The following CELSR1 variants were observed in gnomAD, a reference collection of about 807,000 sequenced individuals.
CELSR1 encodes adhesion G protein-coupled receptor C1.
CELSR1 carries 110 observed loss-of-function variants against 249.1 expected under a neutral mutation model. The observed-to-expected ratio is 0.44, with a 90% CI of 0.38 to 0.52. CELSR1 has a LOEUF of 0.52. Ranked by LOEUF, CELSR1 falls within the 20% of genes least tolerant of loss-of-function variation. The pLI is 0.00. For synonymous variants in CELSR1, 2,113 were observed against 1,900.0 expected (o/e 1.11, Z -2.92); for missense variants, 4,109 against 4,296.4 (o/e 0.96, Z 1.22).
chr22:46,443,829 C>T (rs2079784908), intron 2 of CELSR1, among the ~76,000 whole-genome samples: 1 of 152,376 alleles, frequency 6.6e-6, no homozygotes, highest in East Asian at 1.9e-4. Context: ...AGGTGTGACG[C>T]TTAAGGTATA....
intron 1 of CELSR1, 23 bp downstream of exon 1, chr22:46,533,604 C>T: frequency 6.5e-7 from 1 of 1,532,936 alleles, no homozygotes; most frequent in Non-Finnish European, 8.7e-7. Context: ...GGAGCTACTC[C>T]TCCCACCCCG....
chr22:46,417,128 G>A lies in CELSR1; in HGVS notation c.4612-5369C>T, dbSNP rs1317320282. Reference sequence around the variant, plus strand: ...ACTGCAGCGCTGAACGTTCCATGCTGTCATTTCTCAAGATGACAAAGTTCA... The same window carrying A: ...ACTGCAGCGCTGAACGTTCCATGCTATCATTTCTCAAGATGACAAAGTTCA... On this transcript the variant is annotated intron_variant, in intron 5 of 34. Coordinates refer to ENST00000674500, the MANE Select transcript of CELSR1 (RefSeq NM_001378328.1). This position sits in a 1 kb window ranked among gnomAD's most constrained non-coding sequence, Gnocchi z 4.1. Among the ~76,000 whole-genome samples, 1 of 152,140 alleles carries A rather than the reference G, an allele frequency of 6.6e-6. No individual in the cohort carries two copies. Among genetic ancestry groups the A allele is most frequent in the Non-Finnish European group, 1.5e-5 (1 of 68,036 alleles).
chr22:46,442,957 G>C (rs2079770026), intron 2 of CELSR1, among the ~76,000 whole-genome samples: 1 of 152,166 alleles, frequency 6.6e-6, no homozygotes, highest in African/African-American at 2.4e-5. Context: ...AATTAACCGG[G>C]TGTGTTGGCG....
At chr22:46,369,624 C>T (rs1376042389) in intron 26 of CELSR1, 68 bp downstream of exon 26, 10 of 1,477,014 alleles carry the variant, frequency 6.8e-6, no homozygotes, top group Non-Finnish European at 9.4e-6. Flanking sequence ...CCCCAGCCAA[C>T]CCAGAACAGC....
At position 46,398,004 on chromosome 22, in the gene CELSR1, C is replaced by T. The variant is rs560853705; in HGVS notation, c.5527-156G>A. On this transcript the variant is annotated intron_variant, in intron 11 of 34. Transcript: ENST00000674500. This position sits in a 1 kb window ranked among gnomAD's most constrained non-coding sequence, Gnocchi z 7.2. ...GCGGGCAGGGTTGTTCCTCTTGCCCCACGGCCTGCTGGCCGGAGTGCAGTG... is the reference window on the plus strand; with the variant it reads ...GCGGGCAGGGTTGTTCCTCTTGCCCTACGGCCTGCTGGCCGGAGTGCAGTG... Among the ~76,000 whole-genome samples the T allele has an allele frequency of 2.6e-4, 39 of 152,300 alleles. 1 individual carries two copies. The highest frequency in any genetic ancestry group is 1.0e-4 in the Non-Finnish European group (7 of 68,028).
At chr22:46,501,498 G>A (rs1233672497) in intron 1 of CELSR1, among the ~76,000 whole-genome samples, 2 of 152,034 alleles carry the variant, frequency 1.3e-5, no homozygotes, top group Admixed American at 6.6e-5. Flanking sequence ...GAGCCACCGC[G>A]CCCTGCCCCA....
intron 2 of CELSR1, among the ~76,000 whole-genome samples, chr22:46,442,967 G>A (rs1037775801): frequency 5.9e-5 from 9 of 152,062 alleles, no homozygotes; most frequent in East Asian, 3.9e-4. Flanking sequence ...GTGTGTTGGC[G>A]GGCGCCTGTA....
chr22:46,416,970 C>T (rs1190397050), intron 5 of CELSR1, among the ~76,000 whole-genome samples: 5 of 6,710 alleles, frequency 7.5e-4, no homozygotes, highest in East Asian at 3.3e-3. Context: ...CAGGGGAAGG[C>T]GGTGTGGGGG....
rs1301183382 is a variant in CELSR1 at position 46,500,021 on chromosome 22, C to T, written c.3544+33606G>A. On this transcript the variant is annotated intron_variant, in intron 1 of 34. Coordinates refer to ENST00000674500, the MANE Select transcript of CELSR1 (RefSeq NM_001378328.1). The surrounding 1 kb of genome is among the most constrained non-coding windows in gnomAD (Gnocchi z 4.9). ...CCATGCCTGGCTCAAGGCTCAGCGG[C>T]GACCTCTCCCGCTTATCTTCCCAAA... 4.6e-5 allele frequency among the ~76,000 whole-genome samples: 7 copies of T among 152,128 alleles called. No homozygotes were observed. Among genetic ancestry groups the T allele is most frequent in the African/African-American group, 1.7e-4 (7 of 41,442 alleles).
chr22:46,387,102 A>T (rs1080233), intron 18 of CELSR1, among the ~76,000 whole-genome samples: 1 of 152,080 alleles, frequency 6.6e-6, no homozygotes, highest in African/African-American at 2.4e-5. Context: ...AAGAGGAATA[A>T]AAAAATGTTA....
rs1189808522 is a variant in CELSR1, at chr22:46,408,516, G to T, written c.5226+480C>A. ...CTGGCTAATTTTTTTTGTATTTTTA[G>T]TAGAGATGGGGTTTCACCATGTTGG... is the stretch of plus-strand genomic sequence containing the variant. On this transcript the variant is annotated intron_variant, in intron 9 of 34. Coordinates refer to ENST00000674500, the MANE Select transcript of CELSR1 (RefSeq NM_001378328.1). This position sits in a 1 kb window ranked among gnomAD's most constrained non-coding sequence, Gnocchi z 4.6. 6.6e-6 allele frequency among the ~76,000 whole-genome samples: 1 copy of T among 152,186 alleles called. No homozygotes were observed. Among genetic ancestry groups the T allele is most frequent in the Non-Finnish European group, 1.5e-5 (1 of 68,032 alleles).
At chr22:46,367,906 TCCTC>T (rs767837442) in intron 27 of CELSR1, 51 bp from the exon 28 acceptor site, 26 of 1,561,858 alleles carry the variant, frequency 1.7e-5, no homozygotes, top group Admixed American at 3.7e-5. Flanking sequence ...CCTGCTCCCT[TCCTC>T]CCTCCCTCTC....
chr22:46,511,745 T>G, intron 1 of CELSR1, among the ~76,000 whole-genome samples: 1 of 150,676 alleles, frequency 6.6e-6, no homozygotes, highest in African/African-American at 2.4e-5. Flanking sequence ...GCAGGGAGAG[T>G]AGGGGGCAGA....
intron 24 of CELSR1, among the ~76,000 whole-genome samples, chr22:46,373,491 G>A (rs545273678): frequency 6.8e-6 from 1 of 147,164 alleles, no homozygotes; most frequent in Non-Finnish European, 1.5e-5. Flanking sequence ...CTGGGGTGGG[G>A]GGGGCAGCTT....
At position 46,454,438 on chromosome 22, in the gene CELSR1, C is replaced by T. The variant is rs955844297; in HGVS notation, c.4183+9269G>A. On this transcript the variant is annotated intron_variant, in intron 2 of 34. Coordinates refer to ENST00000674500, the MANE Select transcript of CELSR1 (RefSeq NM_001378328.1). The surrounding 1 kb of genome is among the most constrained non-coding windows in gnomAD (Gnocchi z 5.1). ...AGCATCCCTCCAGTGCACGCACAGACGCCCATGACCCGCAGCCAGCCCGGC... is the reference window on the plus strand; with the variant it reads ...AGCATCCCTCCAGTGCACGCACAGATGCCCATGACCCGCAGCCAGCCCGGC... Among the ~76,000 whole-genome samples the T allele has an allele frequency of 7.9e-5, 12 of 152,356 alleles. No homozygotes were observed. The highest frequency in any genetic ancestry group is 1.6e-4 in the Non-Finnish European group (11 of 68,038).
chr22:46,525,404 G>A (rs527601904), intron 1 of CELSR1, among the ~76,000 whole-genome samples: 29 of 149,946 alleles, frequency 1.9e-4, no homozygotes, highest in Non-Finnish European at 3.5e-4. Context: ...AGCTGAGATC[G>A]CACCATTGCA....
In CELSR1 at chr22:46,367,810, G is replaced by A. The variant is rs747668833; in HGVS notation, c.7998C>T (p.Ala2666=). 7 of 1,611,900 alleles carry A rather than the reference G, an allele frequency of 4.3e-6. No individual in the cohort carries two copies. The Admixed American group carries it at 5.0e-5, about 12-fold the overall frequency. The stretch of plus-strand genomic sequence containing the variant: ...CAGCCAGCAGCCCCAGCAGCCAGGT[G>A]GCGCTGATGAGCAGCAGCAGGAGGA... ...TAFLLLLLIS[A]TWLLGLLAVN... The change falls in exon 28 of 35, where the codon GCC becomes GCT. Residue 2666 remains alanine, a synonymous_variant. Transcript: ENST00000674500.
At position 46,434,640 on chromosome 22, in the gene CELSR1, G is replaced by C. The variant is rs112896566; in HGVS notation, c.4523-1159C>G. ...GGCCAGGGTTCTAGAGACGGAAGCA[G>C]CTCTGAGCCATCTTGGTGAACTTCC... On this transcript the variant is annotated intron_variant, in intron 4 of 34. Transcript: ENST00000674500. This position sits in a 1 kb window ranked among gnomAD's most constrained non-coding sequence, Gnocchi z 4.9. 8.3e-3 allele frequency among the ~76,000 whole-genome samples: 1,266 copies of C among 152,320 alleles called. 18 individuals carry two copies. Among genetic ancestry groups the C allele is most frequent in the African/African-American group, 0.028 (1,178 of 41,574 alleles).
rs751673664 is a variant in CELSR1 at position 46,439,390 on chromosome 22, G to C, written c.4205C>G (p.Ala1402Gly). The C allele has an allele frequency of 6.2e-7, 1 of 1,613,208 alleles. No individual in the cohort carries two copies. Among genetic ancestry groups the C allele is most frequent in the South Asian group, 1.1e-5 (1 of 91,026 alleles). The change falls in exon 3 of 35, where the codon GCC (alanine) becomes GGC (glycine). Residue 1402 changes from alanine (A) to glycine (G), a missense_variant. Ala to Gly is a moderately conservative substitution (Grantham distance 60). Around this residue, in one of 7 missense-constraint regions of CELSR1, gnomAD observed 453 missense variants for 492.0 expected, o/e 0.92. Transcript: ENST00000674500. The part of the protein sequence containing the change: ...DFTGEHCEVD[A>G]RSGRCANGVC... ...CCCGTTGGCACAGCGGCCTGAGCGG[G>C]CATCCACCTCACAGTGCTCTCCTGG...
Sources: allele counts gnomAD v4.1 joint callset (sites outside exome capture counted in the v4.1 genomes callset), GRCh38; gene constraint gnomAD v4.1.1; regional missense constraint gnomAD v4.1.1; non-coding constraint Gnocchi (gnomAD v3.1); transcripts MANE v1.5; gene names NCBI Gene and HGNC (gene_info 2026-07-23, HGNC 2026-07-21).